The following NRXN1 variants were observed in gnomAD, a reference collection of about 807,000 sequenced individuals.
The protein encoded by NRXN1 is neurexin 1.
In NRXN1, 39 loss-of-function variants were observed where a neutral mutation model predicts 150.9. The observed-to-expected ratio is 0.26, with a 90% CI of 0.20 to 0.34. The LOEUF (loss-of-function observed/expected upper bound fraction) is 0.34, where lower values mean the gene tolerates loss of function less well. Among genes scored for constraint, NRXN1 ranks in the 10% least tolerant of loss-of-function variants. The pLI, the probability that NRXN1 is intolerant of heterozygous loss-of-function variation, is 1.00. For missense variants in NRXN1, 1,815 were observed against 1,949.9 expected (o/e 0.93, Z 1.30); for synonymous variants, 924 against 757.0 (o/e 1.22, Z -3.62).
At chr2:50,067,561 CAA>C (rs1377238394) in intron 19 of NRXN1, among the ~76,000 whole-genome samples, 2 of 152,104 alleles carry the variant, frequency 1.3e-5, no homozygotes, top group Admixed American at 1.3e-4. Context: ...AAGCAGGTAA[CAA>C]AATACAGAAC....
intron 21 of NRXN1, among the ~76,000 whole-genome samples, chr2:49,948,089 T>A (rs1673274820): frequency 6.6e-6 from 1 of 152,126 alleles, no homozygotes; most frequent in Non-Finnish European, 1.5e-5. Flanking sequence ...TACCATCTTT[T>A]ACTGTCCAAC....
intron 17 of NRXN1, among the ~76,000 whole-genome samples, chr2:50,260,818 C>T (rs2152911203): frequency 6.6e-6 from 1 of 151,608 alleles, no homozygotes; most frequent in East Asian, 1.9e-4. Flanking sequence ...TTCAGCAAGA[C>T]AAAACTGTGA....
chr2:50,532,664 G>A (rs1399154008), intron 10 of NRXN1, among the ~76,000 whole-genome samples: 1 of 152,106 alleles, frequency 6.6e-6, no homozygotes, highest in Non-Finnish European at 1.5e-5. Context: ...GCATGGGGGT[G>A]GGACTGGGGA....
intron 2 of NRXN1, among the ~76,000 whole-genome samples, chr2:50,960,575 T>C (rs1385588199): frequency 6.6e-6 from 1 of 151,902 alleles, no homozygotes; most frequent in Non-Finnish European, 1.5e-5. Context: ...ATGGAGGAAG[T>C]ATATATGACA....
chr2:50,409,638 T>G (rs2104049668), intron 17 of NRXN1, among the ~76,000 whole-genome samples: 1 of 152,342 alleles, frequency 6.6e-6, no homozygotes, highest in East Asian at 1.9e-4. Context: ...ACACTCGACT[T>G]GGAAAACCTA....
At chr2:50,530,012 T>A (rs2093056699) in intron 11 of NRXN1, among the ~76,000 whole-genome samples, 2 of 152,232 alleles carry the variant, frequency 1.3e-5, no homozygotes, top group South Asian at 4.1e-4. Flanking sequence ...TTTCCACAAA[T>A]GCCTTGCCTC....
chr2:50,771,070 G>A (rs1559237704), intron 5 of NRXN1, among the ~76,000 whole-genome samples: 1 of 152,044 alleles, frequency 6.6e-6, no homozygotes, highest in Non-Finnish European at 1.5e-5. Context: ...ATCATCAGAG[G>A]AAGTGATATT....
At chr2:50,785,243 C>CTTTTTT (rs35158893) in intron 5 of NRXN1, among the ~76,000 whole-genome samples, 13 of 106,092 alleles carry the variant, frequency 1.2e-4, no homozygotes, top group Non-Finnish European at 1.2e-4. Flanking sequence ...AGAAAATACA[C>CTTTTTT]TTTTTTTTTT....
intron 17 of NRXN1, among the ~76,000 whole-genome samples, chr2:50,373,375 G>C (rs1166353020): frequency 6.8e-6 from 1 of 147,710 alleles, no homozygotes; most frequent in Non-Finnish European, 1.5e-5. Flanking sequence ...TGTGAGATCA[G>C]GATAAAAATT....
chr2:50,684,174 T>A (rs773777905), intron 5 of NRXN1, among the ~76,000 whole-genome samples: 3 of 152,188 alleles, frequency 2.0e-5, no homozygotes, highest in Non-Finnish European at 4.4e-5. Flanking sequence ...TCAGATTTCA[T>A]ATGAATGATA....
intron 21 of NRXN1, among the ~76,000 whole-genome samples, chr2:50,040,723 C>A (rs1219411402): frequency 2.0e-5 from 3 of 151,824 alleles, no homozygotes; most frequent in African/African-American, 4.8e-5. Flanking sequence ...TACATATGTA[C>A]AACAAAGCAA....
intron 21 of NRXN1, among the ~76,000 whole-genome samples, chr2:50,034,181 A>C (rs746322659): frequency 6.6e-6 from 1 of 152,114 alleles, no homozygotes; most frequent in Non-Finnish European, 1.5e-5. Context: ...TATTACAAAG[A>C]CACATGCACA....
At chr2:50,001,989 A>G (rs62134656) in intron 21 of NRXN1, among the ~76,000 whole-genome samples, 72,321 of 151,640 alleles carry the variant, frequency 0.48, 17,814 homozygotes, top group Middle Eastern at 0.62. Context: ...GTCCTATGGC[A>G]GGCAGCCTCT....
chr2:50,872,782 G>C (rs1186025389), intron 5 of NRXN1, among the ~76,000 whole-genome samples: 5 of 151,562 alleles, frequency 3.3e-5, no homozygotes, highest in African/African-American at 7.3e-5. Flanking sequence ...ACAAGATCTT[G>C]TCTCTACAAA....
At chr2:50,349,751 A>C (rs1279127625) in intron 17 of NRXN1, among the ~76,000 whole-genome samples, 1 of 152,196 alleles carries the variant, frequency 6.6e-6, no homozygotes, top group Non-Finnish European at 1.5e-5. Context: ...TGAAGGCGTT[A>C]TGTCTCTTCT....
chr2:50,993,058 C>T (rs1339217423), intron 2 of NRXN1, among the ~76,000 whole-genome samples: 1 of 151,790 alleles, frequency 6.6e-6, no homozygotes. Flanking sequence ...CAAGGACATA[C>T]AAAGAGTAGA....
chr2:50,940,356 T>G (rs144043714), intron 2 of NRXN1, among the ~76,000 whole-genome samples: 37 of 151,484 alleles, frequency 2.4e-4, no homozygotes, highest in Non-Finnish European at 4.7e-4. Context: ...ATGCCTGCAG[T>G]CCCAGCTACA....
chr2:50,274,063 G>C (rs1242685410), intron 17 of NRXN1, among the ~76,000 whole-genome samples: 1 of 151,996 alleles, frequency 6.6e-6, no homozygotes, highest in Non-Finnish European at 1.5e-5. Flanking sequence ...TCTACTATGA[G>C]GACACATGCA....
chr2:50,794,595 A>C (rs1706527284), intron 5 of NRXN1, among the ~76,000 whole-genome samples: 1 of 152,168 alleles, frequency 6.6e-6, no homozygotes, highest in Non-Finnish European at 1.5e-5. Flanking sequence ...AAATCAATTA[A>C]ACACAAGGAG....
Sources: allele counts gnomAD v4.1 joint callset (sites outside exome capture counted in the v4.1 genomes callset), GRCh38; gene constraint gnomAD v4.1.1; transcripts MANE v1.5; gene names NCBI Gene and HGNC (gene_info 2026-07-23, HGNC 2026-07-21).